RSF1: variants seen among roughly 807,000 people sequenced by gnomAD.
RSF1 encodes remodeling and spacing factor 1.
A neutral mutation model predicts 145.2 loss-of-function variants in RSF1; 13 were observed. The observed-to-expected ratio is 0.09, with a 90% CI of 0.06 to 0.14. The LOEUF is 0.14. RSF1 is among the 10% of genes least tolerant of loss of function. The pLI is 1.00. For missense variants in RSF1, 1,517 were observed against 1,718.2 expected, an observed-to-expected ratio of 0.88 and a Z score of 2.07; for synonymous variants, 577 against 592.6, an observed-to-expected ratio of 0.97 and a Z score of 0.38.
chr11:77,843,546 A>G, the RSF1 span, among the ~76,000 whole-genome samples: 2 of 152,192 alleles, frequency 1.3e-5, no homozygotes, highest in Admixed American at 1.3e-4. Context: ...TGGGGCAGGA[A>G]GGCATTTATC....
intron 2 of RSF1, among the ~76,000 whole-genome samples, chr11:77,749,938 G>A (rs367646783): frequency 2.0e-4 from 30 of 152,062 alleles, no homozygotes; most frequent in African/African-American, 5.3e-4. Flanking sequence ...TGGTAGAGAC[G>A]AGGTTTCACC....
At chr11:77,727,473 CTTTT>C (rs59747840) in intron 4 of RSF1, among the ~76,000 whole-genome samples, 5 of 112,268 alleles carry the variant, frequency 4.5e-5, no homozygotes, top group Non-Finnish European at 8.6e-5. Context: ...ACTTCCACTA[CTTTT>C]TTTTTTTTTT....
chr11:77,813,186 T>C, intron 1 of RSF1: 3 of 407,272 alleles, frequency 7.4e-6, no homozygotes, highest in East Asian at 3.7e-5. Flanking sequence ...ATTTGATAAG[T>C]ATTTTTAAAT....
At chr11:77,688,562 ATTCT>A (rs1258828341) in intron 9 of RSF1, among the ~76,000 whole-genome samples, 1 of 152,242 alleles carries the variant, frequency 6.6e-6, no homozygotes, top group African/African-American at 2.4e-5. Flanking sequence ...ATACAGGATC[ATTCT>A]TTATTTTTTA....
chr11:77,833,027 T>C, the RSF1 span, among the ~76,000 whole-genome samples: 1 of 141,448 alleles, frequency 7.1e-6, no homozygotes, highest in South Asian at 2.2e-4. Flanking sequence ...TTTTTTTTTT[T>C]TTGAGACAGG....
intron 1 of RSF1, among the ~76,000 whole-genome samples, chr11:77,778,677 C>T (rs1290103504): frequency 6.6e-6 from 1 of 152,150 alleles, no homozygotes; most frequent in African/African-American, 2.4e-5. Flanking sequence ...AGATGAGTCT[C>T]ACTATGTTGC....
intron 1 of RSF1, among the ~76,000 whole-genome samples, chr11:77,783,921 CT>C (rs1345156150): frequency 6.6e-6 from 1 of 152,022 alleles, no homozygotes; most frequent in Non-Finnish European, 1.5e-5. Context: ...TATAATATGT[CT>C]TTTTCTTAGG....
chr11:77,813,714 C>A, intron 1 of RSF1: 2 of 412,710 alleles, frequency 4.8e-6, no homozygotes, highest in Non-Finnish European at 9.5e-6. Context: ...TGTTCCTCGG[C>A]GAGAGCGAAC....
intron 13 of RSF1, among the ~76,000 whole-genome samples, chr11:77,676,240 T>TA (rs1415959435): frequency 1.3e-5 from 2 of 152,336 alleles, no homozygotes; most frequent in African/African-American, 4.8e-5. Flanking sequence ...TAGCCTAATT[T>TA]ATCTTTCCCT....
At position 77,663,621 on chromosome 11, in the gene RSF1, A is replaced by G. The variant is rs1013078332; in HGVS notation, c.*3296T>C. ...ATTGAAAAAAGGATGTCAAGGAAATATAACTTGATGTACATTCTTGAAAAT... is the reference window on the plus strand; with the variant it reads ...ATTGAAAAAAGGATGTCAAGGAAATGTAACTTGATGTACATTCTTGAAAAT... On this transcript the variant is annotated 3_prime_UTR_variant, in exon 16 of 16. Coordinates refer to ENST00000308488, the MANE Select transcript of RSF1 (RefSeq NM_016578.4). The G allele has an allele frequency of 1.3e-5, 2 of 152,198 alleles. No individual in the cohort carries two copies. Among genetic ancestry groups the G allele is most frequent in the African/African-American group, 2.4e-5 (1 of 41,456 alleles). 9.4% of individuals were successfully genotyped at this position (152,198 alleles called of 1,614,324 possible). A position where few individuals can be genotyped will look rare whatever the true frequency, so the allele number is the denominator to read the frequency against.
intron 2 of RSF1, among the ~76,000 whole-genome samples, chr11:77,759,492 T>C (rs1948149388): frequency 6.6e-6 from 1 of 152,250 alleles, no homozygotes; most frequent in African/African-American, 2.4e-5. Context: ...GAGACCATCC[T>C]GCCCAACATG....
chr11:77,749,321 A>T (rs1404550241), intron 2 of RSF1, among the ~76,000 whole-genome samples: 2 of 152,014 alleles, frequency 1.3e-5, no homozygotes, highest in Non-Finnish European at 2.9e-5. Flanking sequence ...TCTCAAATTT[A>T]AAAAAAAGAA....
At chr11:77,819,720 A>C (rs1948826667) in intron 1 of RSF1, among the ~76,000 whole-genome samples, 1 of 151,994 alleles carries the variant, frequency 6.6e-6, no homozygotes, top group Admixed American at 6.6e-5. Flanking sequence ...TGCCAAGATG[A>C]AGGGGGAAGG....
intron 1 of RSF1, among the ~76,000 whole-genome samples, chr11:77,768,581 T>C (rs1948250582): frequency 6.6e-6 from 1 of 152,206 alleles, no homozygotes; most frequent in Non-Finnish European, 1.5e-5. Flanking sequence ...ACTAGCTACA[T>C]TTCAAGTGCT....
At chr11:77,828,511 CA>C in the RSF1 span, among the ~76,000 whole-genome samples, 2 of 151,382 alleles carry the variant, frequency 1.3e-5, no homozygotes, top group South Asian at 4.2e-4. Flanking sequence ...ACTAAAAATA[CA>C]AAAACAAAAT....
intron 5 of RSF1, among the ~76,000 whole-genome samples, chr11:77,714,573 G>A (rs1803029093): frequency 6.6e-6 from 1 of 152,136 alleles, no homozygotes; most frequent in Non-Finnish European, 1.5e-5. Flanking sequence ...GGCCAGGCGT[G>A]GTGACTCACA....
At chr11:77,711,231 T>C (rs973204027) in intron 5 of RSF1, among the ~76,000 whole-genome samples, 3 of 152,144 alleles carry the variant, frequency 2.0e-5, no homozygotes, top group Non-Finnish European at 2.9e-5. Context: ...ATTATTTGCA[T>C]TTCCCACACT....
the RSF1 span, among the ~76,000 whole-genome samples, chr11:77,862,344 A>G: frequency 6.6e-6 from 1 of 152,228 alleles, no homozygotes; most frequent in Non-Finnish European, 1.5e-5. Flanking sequence ...TCCATGTCAG[A>G]TCAGAGGATT....
chr11:77,768,933 G>C (rs1424779884), intron 1 of RSF1, among the ~76,000 whole-genome samples: 2 of 152,232 alleles, frequency 1.3e-5, no homozygotes, highest in Admixed American at 1.3e-4. Flanking sequence ...TGTCTACTGA[G>C]AAGCTGAAAT....
Sources: allele counts gnomAD v4.1 joint callset (sites outside exome capture counted in the v4.1 genomes callset), GRCh38; gene constraint gnomAD v4.1.1; transcripts MANE v1.5; gene names NCBI Gene and HGNC (gene_info 2026-07-23, HGNC 2026-07-21).